The following TGFB2 variants were observed in gnomAD, a reference collection of about 807,000 sequenced individuals.
TGFB2 encodes transforming growth factor beta-2 proprotein.
Under a neutral mutation model 42.7 loss-of-function variants are expected in TGFB2, and 13 were observed. The ratio of observed to expected loss-of-function variants is 0.30; its 90% CI spans 0.20 to 0.48. The LOEUF (loss-of-function observed/expected upper bound fraction) is 0.48, where lower values mean the gene tolerates loss of function less well. Ranked by LOEUF, TGFB2 falls within the 20% of genes least tolerant of loss-of-function variation. TGFB2 has a pLI of 0.99. For synonymous variants in TGFB2, 193 were observed against 193.6 expected, an observed-to-expected ratio of 1.00 and a Z score of 0.03; for missense variants, 390 against 517.5, an observed-to-expected ratio of 0.75 and a Z score of 2.39.
At chr1:218,366,035 G>A (rs1657376599) in intron 1 of TGFB2, among the ~76,000 whole-genome samples, 1 of 152,194 alleles carries the variant, frequency 6.6e-6, no homozygotes, top group South Asian at 2.1e-4. Flanking sequence ...GGAGAAAATA[G>A]TCCATGCTCC....
chr1:218,363,508 G>T lies in TGFB2; in HGVS notation c.346+16461G>T, dbSNP rs1657286038. On this transcript the variant is annotated intron_variant, in intron 1 of 6. Transcript: ENST00000366930. ...GTCTCCTGTGGGGAACTTGCCAGAG[G>T]CAAGATGAGATTCTGAAATGCAGCC... is the stretch of plus-strand genomic sequence containing the variant. The T allele has an allele frequency of 7.7e-6, 10 of 1,303,566 alleles. No homozygotes were observed. The South Asian group carries it at 1.1e-4, about 15-fold the overall frequency. The allele number at this position is 1,303,566 out of a possible 1,614,324, so 80.7% of individuals were successfully genotyped here. A position where few individuals can be genotyped will look rare whatever the true frequency, so the allele number is the denominator to read the frequency against.
Position 218,346,618 on chromosome 1 carries a change from C to T in TGFB2, c.-84C>T. 3 of 1,266,282 alleles carry T rather than the reference C, an allele frequency of 2.4e-6. No homozygotes were observed. Among genetic ancestry groups the T allele is most frequent in the South Asian group, 1.5e-5 (1 of 68,440 alleles). The allele number at this position is 1,266,282 out of a possible 1,614,324, so 78.4% of individuals were successfully genotyped here. ...CAACAACAAAAAACCAAACAACTCTCCTTGATCTATACTTTGAGAATTGTT... is the reference window on the plus strand; with the variant it reads ...CAACAACAAAAAACCAAACAACTCTTCTTGATCTATACTTTGAGAATTGTT... On this transcript the variant is annotated 5_prime_UTR_variant, in exon 1 of 7. Transcript: ENST00000366930. The surrounding 1 kb of genome is among the most constrained non-coding windows in gnomAD (Gnocchi z 4.9).
At position 218,418,920 on chromosome 1, in the gene TGFB2, C is replaced by T. The variant is rs570382494; in HGVS notation, c.510+13588C>T. On this transcript the variant is annotated intron_variant, in intron 2 of 6. Coordinates refer to ENST00000366930, the MANE Select transcript of TGFB2 (RefSeq NM_003238.6). ...TCCTCAGCCAAGTGGAACTGTAAGT[C>T]CAATAAACCTTTTTATTTTGTAAAT... Among the ~76,000 whole-genome samples the T allele has an allele frequency of 2.0e-5, 3 of 152,278 alleles. No individual in the cohort carries two copies. The South Asian group carries it at 6.2e-4, about 32-fold the overall frequency.
intron 2 of TGFB2, among the ~76,000 whole-genome samples, chr1:218,422,222 CT>C (rs993232695): frequency 1.3e-5 from 2 of 148,676 alleles, no homozygotes; most frequent in African/African-American, 5.0e-5. Context: ...TTTTTGTTTT[CT>C]TTTTTTTTGT....
At position 218,435,988 on chromosome 1, in the gene TGFB2, C is replaced by T. The variant is rs373352179; in HGVS notation, c.773C>T (p.Thr258Ile). The T allele has an allele frequency of 2.1e-5, 34 of 1,611,422 alleles. No individual in the cohort carries two copies. The highest frequency in any genetic ancestry group is 1.7e-4 in the Middle Eastern group (1 of 6,060). The change falls in exon 5 of 7, where the codon ACA becomes ATA. Residue 258 changes from threonine (T) to isoleucine (I), a missense_variant. Transcript: ENST00000366930. ...ARFAGIDGTS[T>I]YTSGDQKTIK... ...TTTCAAGGTATTGATGGCACCTCCA[C>T]ATATACCAGTGGTGATCAGAAAACT...
intron 1 of TGFB2, among the ~76,000 whole-genome samples, chr1:218,380,164 C>T (rs1029496443): frequency 1.3e-5 from 2 of 152,214 alleles, no homozygotes; most frequent in Non-Finnish European, 2.9e-5. Context: ...CCATCGTCAG[C>T]ACTCACTCGC....
chr1:218,399,838 G>T (rs1229595274), intron 1 of TGFB2, among the ~76,000 whole-genome samples: 2 of 152,026 alleles, frequency 1.3e-5, no homozygotes, highest in Non-Finnish European at 2.9e-5. Flanking sequence ...CTGACCACCT[G>T]GCAGTTCTGT....
intron 1 of TGFB2, among the ~76,000 whole-genome samples, chr1:218,402,238 A>G (rs1658745564): frequency 6.6e-6 from 1 of 152,232 alleles, no homozygotes; most frequent in African/African-American, 2.4e-5. Flanking sequence ...ACTTCTACTT[A>G]TAAAACAAGG....
In TGFB2 at chr1:218,346,848, G is replaced by A. The variant is rs1656699232; in HGVS notation, c.147G>A (p.Lys49=). Residue 49 remains lysine, a synonymous_variant, in exon 1 of 7, where the codon AAG becomes AAA. Transcript: ENST00000366930. This position sits in a 1 kb window ranked among gnomAD's most constrained non-coding sequence, Gnocchi z 4.9. The part of the protein sequence containing the change: ...AIRGQILSKL[K]LTSPPEDYPE... ...GCGGGCAGATCCTGAGCAAGCTGAAGCTCACCAGTCCCCCAGAAGACTATC... is the reference window on the plus strand; with the variant it reads ...GCGGGCAGATCCTGAGCAAGCTGAAACTCACCAGTCCCCCAGAAGACTATC... The A allele has an allele frequency of 1.9e-6, 3 of 1,614,166 alleles. No individual in the cohort carries two copies. The highest frequency in any genetic ancestry group is 2.5e-6 in the Non-Finnish European group (3 of 1,180,040).
rs571623705 is a variant in TGFB2, at chr1:218,364,625, AT to A, written c.346+17580del. On this transcript the variant is annotated intron_variant, in intron 1 of 6. Transcript: ENST00000366930. Reference sequence around the variant, plus strand: ...GGCTAGAGACAAAAGAAATGTTTTTATTATCCTAGGAAAAGCCTAGGTCACT... The same window carrying A: ...GGCTAGAGACAAAAGAAATGTTTTTATATCCTAGGAAAAGCCTAGGTCACT... Among the ~76,000 whole-genome samples the A allele has an allele frequency of 1.4e-4, 22 of 152,298 alleles. No individual in the cohort carries two copies. The East Asian group carries it at 4.1e-3, about 28-fold the overall frequency.
intron 2 of TGFB2, among the ~76,000 whole-genome samples, chr1:218,411,901 C>G (rs889178772): frequency 6.7e-6 from 1 of 150,094 alleles, no homozygotes. Context: ...CCAGAAATGA[C>G]ACAGCATCAC....
intron 2 of TGFB2, among the ~76,000 whole-genome samples, chr1:218,427,603 C>T (rs937989677): frequency 3.9e-5 from 6 of 152,124 alleles, no homozygotes; most frequent in East Asian, 1.9e-4. Context: ...TCTGTCCTTG[C>T]GATAGTTTGC....
At chr1:218,404,766 C>G (rs756780766) in intron 1 of TGFB2, among the ~76,000 whole-genome samples, 7 of 152,174 alleles carry the variant, frequency 4.6e-5, no homozygotes, top group Non-Finnish European at 5.9e-5. Context: ...CATGGGCAAA[C>G]TGCTGGCCAT....
At chr1:218,438,449 TCA>T (rs2102631186) in intron 6 of TGFB2, among the ~76,000 whole-genome samples, 2 of 152,316 alleles carry the variant, frequency 1.3e-5, no homozygotes, top group East Asian at 3.9e-4. Context: ...TCTCTAAACC[TCA>T]GTTTCTTATC....
intron 1 of TGFB2, among the ~76,000 whole-genome samples, chr1:218,397,308 A>G (rs1035289812): frequency 6.6e-6 from 1 of 151,340 alleles, no homozygotes; most frequent in Non-Finnish European, 1.5e-5. Context: ...TTATGCCTGT[A>G]ATCCCAGCAC....
intron 1 of TGFB2, among the ~76,000 whole-genome samples, chr1:218,370,076 G>A (rs146039760): frequency 8.7e-4 from 133 of 152,270 alleles, no homozygotes; most frequent in African/African-American, 2.9e-3. Flanking sequence ...TGTCCTCAGG[G>A]AGCCTGCACT....
intron 1 of TGFB2, among the ~76,000 whole-genome samples, chr1:218,387,464 C>G (rs1558239433): frequency 6.6e-6 from 1 of 152,060 alleles, no homozygotes; most frequent in African/African-American, 2.4e-5. Context: ...AAAGGCATGC[C>G]CAGCTACAGA....
chr1:218,379,381 G>T (rs1240852009), intron 1 of TGFB2, among the ~76,000 whole-genome samples: 1 of 151,460 alleles, frequency 6.6e-6, no homozygotes, highest in Non-Finnish European at 1.5e-5. Flanking sequence ...TGATCCACCC[G>T]CCTTGGCCTC....
intron 1 of TGFB2, among the ~76,000 whole-genome samples, chr1:218,353,702 G>T (rs1252890545): frequency 1.3e-5 from 2 of 152,182 alleles, no homozygotes; most frequent in Non-Finnish European, 2.9e-5. Flanking sequence ...TTGAAGACCA[G>T]CCTGGGCAAC....
Sources: gnomAD v4.1 joint callset for allele counts (sites outside exome capture counted in the v4.1 genomes callset) on GRCh38, gnomAD v4.1.1 for gene constraint, Gnocchi (gnomAD v3.1) non-coding constraint, MANE v1.5 for transcripts, NCBI Gene and HGNC (gene_info 2026-07-23, HGNC 2026-07-21) for gene names.